CFAP299: variants seen among roughly 807,000 people sequenced by gnomAD.
The protein encoded by CFAP299 is cilia- and flagella-associated protein 299.
Under a neutral mutation model 27.0 loss-of-function variants are expected in CFAP299, and 21 were observed. That is an observed-to-expected ratio of 0.78 (90% CI 0.55 to 1.12). The LOEUF is 1.12. Among genes scored for constraint, CFAP299 ranks in the 50% most tolerant of loss-of-function variants. The pLI is 0.00. For missense variants in CFAP299, 310 were observed against 276.6 expected (o/e 1.12, Z -0.86); for synonymous variants, 104 against 98.1 (o/e 1.06, Z -0.36).
At chr4:80,705,231 T>C (rs940212176) in intron 3 of CFAP299, among the ~76,000 whole-genome samples, 1 of 151,808 alleles carries the variant, frequency 6.6e-6, no homozygotes, top group Non-Finnish European at 1.5e-5. Context: ...AAAATGCCCC[T>C]GAGCAATTCC....
At chr4:80,765,098 A>AATAATAATC (rs1725783445) in intron 3 of CFAP299, among the ~76,000 whole-genome samples, 1 of 152,182 alleles carries the variant, frequency 6.6e-6, no homozygotes, top group Non-Finnish European at 1.5e-5. Context: ...TAATAATAAT[A>AATAATAATC]ATAGTAAAGA....
rs528696546 is a variant in CFAP299, at chr4:80,386,045, T to C, written c.242+23161T>C. Reference sequence around the variant, plus strand: ...GCGGCCATGAGCCAAGGTTTATGAATGACATTCAGAAGGATTTCTGCCAAT... The same window carrying C: ...GCGGCCATGAGCCAAGGTTTATGAACGACATTCAGAAGGATTTCTGCCAAT... On this transcript the variant is annotated intron_variant, in intron 2 of 5. Transcript: ENST00000358105. 4.9e-5 allele frequency: 21 copies of C among 430,134 alleles called. No individual in the cohort carries two copies. In the Admixed American group the frequency reaches 8.0e-4, roughly 16 times the overall value. 26.6% of individuals were successfully genotyped at this position (430,134 alleles called of 1,614,324 possible).
the CFAP299 span, among the ~76,000 whole-genome samples, chr4:80,325,037 C>A: frequency 6.6e-6 from 1 of 152,228 alleles, no homozygotes; most frequent in African/African-American, 2.4e-5. Flanking sequence ...GCAGGAGAAT[C>A]ACTTGAACCT....
At chr4:80,937,901 T>A (rs1736993078) in intron 4 of CFAP299, among the ~76,000 whole-genome samples, 1 of 152,162 alleles carries the variant, frequency 6.6e-6, no homozygotes. Flanking sequence ...CTGCTACTGG[T>A]GTTTTGTTTT....
At chr4:80,682,925 C>T (rs188033369) in intron 3 of CFAP299, among the ~76,000 whole-genome samples, 10 of 152,088 alleles carry the variant, frequency 6.6e-5, no homozygotes, top group East Asian at 3.9e-4. Context: ...GTACCAAGCA[C>T]GGAACCCTGA....
intron 3 of CFAP299, among the ~76,000 whole-genome samples, chr4:80,698,207 G>A (rs1233093923): frequency 6.6e-6 from 1 of 152,136 alleles, no homozygotes; most frequent in African/African-American, 2.4e-5. Context: ...GGTAAATAAT[G>A]TAAATGAAAT....
intron 2 of CFAP299, among the ~76,000 whole-genome samples, chr4:80,502,783 T>A (rs1421183380): frequency 6.6e-6 from 1 of 152,142 alleles, no homozygotes; most frequent in Non-Finnish European, 1.5e-5. Flanking sequence ...TATTCTTGGT[T>A]TATCTCATTT....
chr4:80,411,025 G>A (rs547054831), intron 2 of CFAP299, among the ~76,000 whole-genome samples: 3 of 152,212 alleles, frequency 2.0e-5, no homozygotes, highest in East Asian at 1.9e-4. Flanking sequence ...GGTAAAATTC[G>A]GTAATGTATT....
At chr4:80,705,367 A>G (rs1300309863) in intron 3 of CFAP299, among the ~76,000 whole-genome samples, 1 of 151,794 alleles carries the variant, frequency 6.6e-6, no homozygotes, top group Non-Finnish European at 1.5e-5. Context: ...CAATGAAAGA[A>G]TGAGAAAGAT....
At chr4:80,872,828 A>G (rs1733172036) in intron 4 of CFAP299, 4 of 870,238 alleles carry the variant, frequency 4.6e-6, no homozygotes, top group South Asian at 5.3e-5. Flanking sequence ...CTTGCAAATT[A>G]TAAGATTCGT....
In CFAP299 at chr4:80,386,571, A is replaced by G. The variant is rs1320799666; in HGVS notation, c.242+23687A>G. The G allele has an allele frequency of 1.9e-6, 3 of 1,597,334 alleles. No homozygotes were observed. The African/African-American group carries it at 4.0e-5, about 21-fold the overall frequency. On this transcript the variant is annotated intron_variant, in intron 2 of 5. Coordinates refer to ENST00000358105, the MANE Select transcript of CFAP299 (RefSeq NM_152770.3). ...TTTTCCTTCTGGGGGCCGAGACGAC[A>G]GCGGTGATCTTTGAGGTATTTGTGG...
chr4:80,852,475 G>A (rs946597340), intron 3 of CFAP299, among the ~76,000 whole-genome samples: 17 of 152,084 alleles, frequency 1.1e-4, no homozygotes, highest in African/African-American at 4.1e-4. Context: ...AAAGTAATAA[G>A]ATAATAAGAT....
At chr4:80,560,439 G>T (rs1369849344) in intron 2 of CFAP299, among the ~76,000 whole-genome samples, 1 of 152,122 alleles carries the variant, frequency 6.6e-6, no homozygotes, top group Non-Finnish European at 1.5e-5. Context: ...AGAGGGAAAA[G>T]TAAAGGGGAC....
intron 2 of CFAP299, among the ~76,000 whole-genome samples, chr4:80,527,372 A>G (rs558857850): frequency 2.6e-5 from 4 of 152,214 alleles, no homozygotes; most frequent in Admixed American, 2.0e-4. Flanking sequence ...TCTTTCTCAT[A>G]ACTGCATTTT....
intron 2 of CFAP299, among the ~76,000 whole-genome samples, chr4:80,514,841 G>T (rs1732504243): frequency 6.6e-6 from 1 of 151,806 alleles, no homozygotes; most frequent in Admixed American, 6.6e-5. Flanking sequence ...GAAATTTCTG[G>T]AATAAGTAAA....
At chr4:80,738,710 G>A (rs749096292) in intron 3 of CFAP299, among the ~76,000 whole-genome samples, 3 of 151,210 alleles carry the variant, frequency 2.0e-5, no homozygotes, top group Non-Finnish European at 4.4e-5. Flanking sequence ...TGCTGGGAGA[G>A]TTTAGTACAT....
chr4:80,938,007 T>A (rs572803997), intron 4 of CFAP299, among the ~76,000 whole-genome samples: 1 of 152,358 alleles, frequency 6.6e-6, no homozygotes, highest in African/African-American at 2.4e-5. Context: ...AAACAAATTC[T>A]ACACTTTTAC....
At chr4:80,804,578 A>G (rs1006191112) in intron 3 of CFAP299, among the ~76,000 whole-genome samples, 1 of 152,176 alleles carries the variant, frequency 6.6e-6, no homozygotes. Flanking sequence ...TAATGCTGCT[A>G]TAAATATGGG....
chr4:80,691,993 T>G (rs1468250687), intron 3 of CFAP299, among the ~76,000 whole-genome samples: 3 of 152,062 alleles, frequency 2.0e-5, no homozygotes, highest in African/African-American at 7.2e-5. Context: ...ACAAGGGATG[T>G]GAAGGACCTC....
Sources: allele counts gnomAD v4.1 joint callset (sites outside exome capture counted in the v4.1 genomes callset), GRCh38; gene constraint gnomAD v4.1.1; transcripts MANE v1.5; gene names NCBI Gene and HGNC (gene_info 2026-07-23, HGNC 2026-07-21).